The following EIF3E variants were observed in gnomAD, a reference collection of about 807,000 sequenced individuals.
EIF3E encodes the protein eIF-3 p48.
Under a neutral mutation model 59.3 loss-of-function variants are expected in EIF3E, and 25 were observed. The ratio of observed to expected loss-of-function variants is 0.42; its 90% CI spans 0.31 to 0.59. The LOEUF (loss-of-function observed/expected upper bound fraction) is 0.59. Among genes scored for constraint, EIF3E ranks in the 20% least tolerant of loss-of-function variants. The pLI is 0.15. For missense variants in EIF3E, 317 were observed against 534.3 expected, an observed-to-expected ratio of 0.59 and a Z score of 4.01; for synonymous variants, 176 against 170.2, an observed-to-expected ratio of 1.03 and a Z score of -0.26.
At chr8:108,231,232 C>T (rs890922074) in intron 5 of EIF3E, among the ~76,000 whole-genome samples, 6 of 151,956 alleles carry the variant, frequency 3.9e-5, no homozygotes, top group African/African-American at 1.4e-4. Flanking sequence ...AATATATCAT[C>T]GAGTCAAAAA....
In EIF3E at chr8:108,203,088, G is replaced by A. The variant is rs1302976565; in HGVS notation, c.1194C>T (p.Val398=). 6.2e-7 allele frequency: 1 copy of A among 1,612,732 alleles called. No homozygotes were observed. The highest frequency in any genetic ancestry group is 8.5e-7 in the Non-Finnish European group (1 of 1,179,092). The change falls in exon 12 of 13, where the codon GTC becomes GTT. Residue 398 remains valine, a synonymous_variant. Coordinates refer to ENST00000220849, the MANE Select transcript of EIF3E (RefSeq NM_001568.3). ...TTTCAATCACTTGCTGATAGGGTGA[G>A]ACTGCATTGTTACCCATAACCACAT... ...LGHVVMGNNA[V]SPYQQVIEKT...
intron 10 of EIF3E, among the ~76,000 whole-genome samples, chr8:108,209,307 G>A (rs1815163279): frequency 6.6e-6 from 1 of 151,940 alleles, no homozygotes; most frequent in South Asian, 2.1e-4. Flanking sequence ...GTATTCAGTG[G>A]AAAAAAGTCT....
intron 1 of EIF3E, among the ~76,000 whole-genome samples, chr8:108,245,223 T>G (rs998744211): frequency 1.8e-4 from 28 of 152,026 alleles, no homozygotes; most frequent in African/African-American, 6.8e-4. Flanking sequence ...TCCCAGCACT[T>G]TGCGAGGCCA....
Position 108,241,337 on chromosome 8 carries a change from CA to C in EIF3E, c.205+461del, listed in dbSNP as rs141035478. Among the ~76,000 whole-genome samples, 1,103 of 151,898 alleles carry C rather than the reference CA, an allele frequency of 7.3e-3. 15 individuals carry two copies. The highest frequency in any genetic ancestry group is 0.025 in the African/African-American group (1,045 of 41,436). On this transcript the variant is annotated intron_variant, in intron 2 of 12. Coordinates refer to ENST00000220849, the MANE Select transcript of EIF3E (RefSeq NM_001568.3). ...TGATTAAGTAGGTCTGGTGTGTGGC[CA>C]AAAACCTGCATTTCTAACAAGCTCT...
chr8:108,234,720 CAT>C, intron 5 of EIF3E: 1 of 225,610 alleles, frequency 4.4e-6, no homozygotes, highest in Non-Finnish European at 8.6e-6. Context: ...AAATCCATTA[CAT>C]GATACGATTC....
At chr8:108,247,595 C>T (rs1363875403) in intron 1 of EIF3E, among the ~76,000 whole-genome samples, 2 of 152,228 alleles carry the variant, frequency 1.3e-5, no homozygotes, top group South Asian at 2.1e-4. Context: ...CGAGCCACAA[C>T]ACCTGGACGC....
At position 108,235,076 on chromosome 8, in the gene EIF3E, G is replaced by T; in HGVS notation, c.393C>A (p.Leu131=). 1 of 1,573,072 alleles carries T rather than the reference G, an allele frequency of 6.4e-7. No homozygotes were observed. The highest frequency in any genetic ancestry group is 2.3e-5 in the East Asian group (1 of 44,012). ...HGFRQEYLDT[L]YRYAKFQYEC... is the part of the protein sequence containing the mutation. Reference sequence around the variant, plus strand: ...CGTACTGGAATTTTGCATATCTGTAGAGTGTATCTAAATATTCCTGCCTAA... The same window carrying T: ...CGTACTGGAATTTTGCATATCTGTATAGTGTATCTAAATATTCCTGCCTAA... The change falls in exon 5 of 13, where the codon CTC becomes CTA. Residue 131 remains leucine, a synonymous_variant. Coordinates refer to ENST00000220849, the MANE Select transcript of EIF3E (RefSeq NM_001568.3).
rs893687380 is a variant in EIF3E at position 108,201,409 on chromosome 8, T to G, written c.*476A>C. On this transcript the variant is annotated 3_prime_UTR_variant, in exon 13 of 13. Coordinates refer to ENST00000220849, the MANE Select transcript of EIF3E (RefSeq NM_001568.3). ...CGATGAGGAACAGATTAGTGGTTCC[T>G]AGGGTTAGAGTTGGTTGGGAGTAGG... The G allele has an allele frequency of 5.9e-5, 9 of 152,036 alleles. No homozygotes were observed. Among genetic ancestry groups the G allele is most frequent in the African/African-American group, 2.2e-4 (9 of 41,370 alleles). The allele number at this position is 152,036 out of a possible 1,614,324, so 9.4% of individuals were successfully genotyped here.
chr8:108,238,284 A>G (rs1563636932), intron 3 of EIF3E, among the ~76,000 whole-genome samples: 1 of 152,190 alleles, frequency 6.6e-6, no homozygotes, highest in Non-Finnish European at 1.5e-5. Context: ...TCCCGCATAT[A>G]GTCATCCCTT....
In EIF3E at chr8:108,203,494, T is replaced by G. The variant is rs1342771363; in HGVS notation, c.1071A>C (p.Ala357=). 3 of 1,612,148 alleles carry G rather than the reference T, an allele frequency of 1.9e-6. No homozygotes were observed. In the Admixed American group the frequency reaches 5.0e-5, roughly 27 times the overall value. ...IHQCISINML[A]DKLNMTPEEA... is the part of the protein sequence containing the mutation. Reference sequence around the variant, plus strand: ...CTTCTGGAGTCATGTTCAATTTATCTGCCAACATGCTAATGAAAAAGTAAA... The same window carrying G: ...CTTCTGGAGTCATGTTCAATTTATCGGCCAACATGCTAATGAAAAAGTAAA... The change falls in exon 11 of 13, where the codon GCA becomes GCC. Residue 357 remains alanine (A), a synonymous_variant. Transcript: ENST00000220849.
intron 7 of EIF3E, among the ~76,000 whole-genome samples, chr8:108,223,887 A>C (rs1815469808): frequency 6.6e-6 from 1 of 151,412 alleles, no homozygotes; most frequent in East Asian, 1.9e-4. Context: ...TTTAAGGACA[A>C]ACGTATACAT....
chr8:108,219,472 T>C (rs1005727086), intron 7 of EIF3E, among the ~76,000 whole-genome samples: 1 of 152,244 alleles, frequency 6.6e-6, no homozygotes, highest in Admixed American at 6.5e-5. Flanking sequence ...TCACTGGGAA[T>C]AATTTTGCTT....
rs1814988936 is a variant in EIF3E at position 108,201,250 on chromosome 8, C to CATATATATAAATATATATATATAT, written c.*634_*635insATATATATATATATTTATATATAT. ...AATAAAAAAGGAATTAACTACTGAT[C>CATATATATAAATATATATATATAT]ATATATATATATATATCTATCTCTC... On this transcript the variant is annotated 3_prime_UTR_variant, in exon 13 of 13. Transcript: ENST00000220849. The CATATATATAAATATATATATATAT allele has an allele frequency of 8.1e-6, 1 of 122,892 alleles. No homozygotes were observed. Among genetic ancestry groups the CATATATATAAATATATATATATAT allele is most frequent in the Non-Finnish European group, 1.7e-5 (1 of 60,064 alleles). The allele number at this position is 122,892 out of a possible 1,614,324, so 7.6% of individuals were successfully genotyped here. A position where few individuals can be genotyped will look rare whatever the true frequency, so the allele number is the denominator to read the frequency against.
intron 4 of EIF3E, 110 bp from the exon 5 acceptor site, chr8:108,235,212 C>T: frequency 3.6e-6 from 2 of 560,168 alleles, no homozygotes; most frequent in Non-Finnish European, 5.9e-6. Flanking sequence ...TCACCAACTT[C>T]TAATGTATAT....
intron 1 of EIF3E, chr8:108,242,171 T>C (rs1367537063): frequency 7.4e-7 from 1 of 1,354,642 alleles, no homozygotes; most frequent in Non-Finnish European, 9.7e-7. Flanking sequence ...CTGATTTACA[T>C]GACCTTATTT....
At chr8:108,228,105 G>C in intron 7 of EIF3E, 162 bp downstream of exon 7, 1 of 698,632 alleles carries the variant, frequency 1.4e-6, no homozygotes, top group Non-Finnish European at 2.2e-6. Context: ...TTACTTAAGA[G>C]TCACATGCAT....
At chr8:108,222,030 T>G (rs1815426332) in intron 7 of EIF3E, among the ~76,000 whole-genome samples, 1 of 152,142 alleles carries the variant, frequency 6.6e-6, no homozygotes, top group African/African-American at 2.4e-5. Flanking sequence ...GTATACAGTA[T>G]CACCATGGCT....
chr8:108,215,265 CAA>C (rs538445855), intron 9 of EIF3E, among the ~76,000 whole-genome samples: 2 of 149,408 alleles, frequency 1.3e-5, no homozygotes, highest in African/African-American at 5.0e-5. Flanking sequence ...TATATGACTA[CAA>C]AAAAAAACAC....
At chr8:108,215,538 A>G (rs2129863920) in intron 9 of EIF3E, among the ~76,000 whole-genome samples, 1 of 152,288 alleles carries the variant, frequency 6.6e-6, no homozygotes, top group East Asian at 1.9e-4. Context: ...GAATGGTGTG[A>G]ACCCGGGAGG....
Sources: allele counts gnomAD v4.1 joint callset (sites outside exome capture counted in the v4.1 genomes callset), GRCh38; gene constraint gnomAD v4.1.1; transcripts MANE v1.5; gene names NCBI Gene and HGNC (gene_info 2026-07-23, HGNC 2026-07-21).